CYTH1: variants seen among roughly 807,000 people sequenced by gnomAD.
CYTH1 encodes cytohesin-1.
A neutral mutation model predicts 61.8 loss-of-function variants in CYTH1; 18 were observed. The observed-to-expected ratio is 0.29, with a 90% CI of 0.20 to 0.43. The LOEUF is 0.43. CYTH1 is among the 20% of genes least tolerant of loss of function. The pLI is 1.00. For synonymous variants in CYTH1, 174 were observed against 184.3 expected, an observed-to-expected ratio of 0.94 and a Z score of 0.45; for missense variants, 336 against 510.5, an observed-to-expected ratio of 0.66 and a Z score of 3.29.
intron 11 of CYTH1, among the ~76,000 whole-genome samples, chr17:78,690,579 C>G (rs1020300219): frequency 6.6e-6 from 1 of 151,798 alleles, no homozygotes; most frequent in East Asian, 1.9e-4. Flanking sequence ...GCCTCTAGTC[C>G]CAGCTACTCA....
intron 9 of CYTH1, among the ~76,000 whole-genome samples, chr17:78,696,476 TAC>T (rs1304284290): frequency 2.0e-5 from 3 of 152,234 alleles, no homozygotes; most frequent in Admixed American, 6.5e-5. Flanking sequence ...TACACAAGAA[TAC>T]ACATTCTTAT....
At chr17:78,731,772 CA>C (rs1236573797) in intron 1 of CYTH1, among the ~76,000 whole-genome samples, 1 of 128,354 alleles carries the variant, frequency 7.8e-6, no homozygotes, top group Non-Finnish European at 1.7e-5. Flanking sequence ...AAAAAAAAAA[CA>C]AAAAAAAACA....
At chr17:78,724,413 G>C (rs55666909) in intron 1 of CYTH1, among the ~76,000 whole-genome samples, 7,808 of 152,264 alleles carry the variant, frequency 0.051, 237 homozygotes, top group Non-Finnish European at 0.076. Context: ...GGAAATCACC[G>C]TGCTAGAGCA....
chr17:78,698,771 C>T lies in CYTH1; in HGVS notation c.699+49G>A, dbSNP rs899241692. 6.6e-6 allele frequency: 10 copies of T among 1,525,002 alleles called. No homozygotes were observed. The African/African-American group carries it at 8.6e-5, about 13-fold the overall frequency. The allele number at this position is 1,525,002 out of a possible 1,614,324, so 94.5% of individuals were successfully genotyped here. ...CTTCCTACAAAAGACGATCCTGTTC[C>T]CAGTGAACTCTTTCTTGACTTGAAT... is the stretch of plus-strand genomic sequence containing the variant. On this transcript the variant is annotated intron_variant, in intron 8 of 13. Coordinates refer to ENST00000446868, the MANE Select transcript of CYTH1 (RefSeq NM_004762.6).
chr17:78,684,371 A>G (rs570313160), intron 11 of CYTH1, among the ~76,000 whole-genome samples: 8 of 152,210 alleles, frequency 5.3e-5, no homozygotes, highest in Non-Finnish European at 1.0e-4. Flanking sequence ...AATCCCAAAT[A>G]TTAAAAAGGC....
At chr17:78,731,982 GCCTGCAGCCACACACAGGTT>G (rs1167512030) in intron 1 of CYTH1, among the ~76,000 whole-genome samples, 2 of 152,188 alleles carry the variant, frequency 1.3e-5, no homozygotes, top group Non-Finnish European at 1.5e-5. Flanking sequence ...GGTTCTGTCA[GCCTGCAGCCACACACAGGTT>G]CCTGCGAACC....
At chr17:78,747,586 G>A (rs1319847032) in intron 1 of CYTH1, among the ~76,000 whole-genome samples, 5 of 151,292 alleles carry the variant, frequency 3.3e-5, no homozygotes, top group South Asian at 2.1e-4. Flanking sequence ...CCCCATTCCC[G>A]CATCCCCAAA....
chr17:78,782,071 C>G, intron 1 of CYTH1, 131 bp downstream of exon 1: 1 of 819,042 alleles, frequency 1.2e-6, no homozygotes, highest in Admixed American at 5.1e-5. Flanking sequence ...GCCCGCCGGT[C>G]GCCCCGGGCT....
chr17:78,677,282 A>C (rs1311462091), intron 13 of CYTH1: 1 of 361,150 alleles, frequency 2.8e-6, no homozygotes, highest in African/African-American at 2.1e-5. Context: ...CTTTCGGGTA[A>C]GCTGGGGGGT....
chr17:78,713,149 G>A (rs1432058162), intron 1 of CYTH1, among the ~76,000 whole-genome samples: 1 of 151,828 alleles, frequency 6.6e-6, no homozygotes, highest in Non-Finnish European at 1.5e-5. Flanking sequence ...GTGAGCTCTG[G>A]TTAAAGCAAA....
chr17:78,675,982 G>A lies in CYTH1; in HGVS notation c.*109C>T. The A allele has an allele frequency of 6.5e-7, 1 of 1,549,378 alleles. No homozygotes were observed. On this transcript the variant is annotated 3_prime_UTR_variant, in exon 14 of 14. Transcript: ENST00000446868. ...CTGAAGCTAGTCTCTAGGAATCCAGGGCGGGGCCTGGCAGAGGACGCTCTG... is the reference window on the plus strand; with the variant it reads ...CTGAAGCTAGTCTCTAGGAATCCAGAGCGGGGCCTGGCAGAGGACGCTCTG...
chr17:78,747,959 C>T (rs1312370587), intron 1 of CYTH1, among the ~76,000 whole-genome samples: 2 of 152,310 alleles, frequency 1.3e-5, no homozygotes, highest in South Asian at 4.1e-4. Flanking sequence ...TGCTCGGGTC[C>T]ACTCTCACAC....
chr17:78,751,397 G>C (rs567771315), intron 1 of CYTH1, among the ~76,000 whole-genome samples: 4 of 151,658 alleles, frequency 2.6e-5, no homozygotes, highest in East Asian at 1.9e-4. Context: ...CTTGTACTTA[G>C]GAACAATAGA....
chr17:78,722,004 G>A (rs560565055), intron 1 of CYTH1, among the ~76,000 whole-genome samples: 23 of 152,170 alleles, frequency 1.5e-4, no homozygotes, highest in African/African-American at 4.3e-4. Flanking sequence ...CCGAGATCGC[G>A]CCATTGCACT....
chr17:78,734,433 T>G (rs75701583), intron 1 of CYTH1, among the ~76,000 whole-genome samples: 2 of 4,922 alleles, frequency 4.1e-4, no homozygotes, highest in African/African-American at 9.1e-4. Flanking sequence ...AAAAAAAAGC[T>G]TTTTTTTTTT....
chr17:78,682,098 A>ATT (rs113416283), intron 11 of CYTH1, among the ~76,000 whole-genome samples: 10,756 of 151,988 alleles, frequency 0.071, 1,246 homozygotes, highest in African/African-American at 0.24. Flanking sequence ...CTCCTAAAAT[A>ATT]ACTATCTGGT....
chr17:78,767,803 A>G (rs1342794283), intron 1 of CYTH1, among the ~76,000 whole-genome samples: 1 of 152,198 alleles, frequency 6.6e-6, no homozygotes, highest in Non-Finnish European at 1.5e-5. Flanking sequence ...ATCTTGGACA[A>G]TGATGGGATA....
At chr17:78,748,404 A>G (rs994254518) in intron 1 of CYTH1, among the ~76,000 whole-genome samples, 2 of 152,232 alleles carry the variant, frequency 1.3e-5, no homozygotes, top group Non-Finnish European at 2.9e-5. Flanking sequence ...TACACATCCA[A>G]CAGGCCCAGG....
At chr17:78,756,083 T>A (rs199935804) in intron 1 of CYTH1, among the ~76,000 whole-genome samples, 88 of 145,762 alleles carry the variant, frequency 6.0e-4, no homozygotes, top group South Asian at 8.5e-4. Flanking sequence ...ATTTTTATTT[T>A]TTTTTTTTTT....
Sources: allele counts gnomAD v4.1 joint callset (sites outside exome capture counted in the v4.1 genomes callset), GRCh38; gene constraint gnomAD v4.1.1; transcripts MANE v1.5; gene names NCBI Gene and HGNC (gene_info 2026-07-23, HGNC 2026-07-21).